The following CCDC85A variants were observed in gnomAD, a reference collection of about 807,000 sequenced individuals.
CCDC85A encodes coiled-coil domain containing 85A.
A neutral mutation model predicts 50.2 loss-of-function variants in CCDC85A; 38 were observed. The observed-to-expected ratio is 0.76, with a 90% CI of 0.58 to 0.99. The LOEUF (loss-of-function observed/expected upper bound fraction) is 0.99. Ranked by LOEUF, CCDC85A falls within the 50% of genes least tolerant of loss-of-function variation. CCDC85A has a pLI of 0.00. For missense variants in CCDC85A, 820 were observed against 742.0 expected, an observed-to-expected ratio of 1.11 and a Z score of -1.22; for synonymous variants, 366 against 301.4, an observed-to-expected ratio of 1.21 and a Z score of -2.22.
intron 1 of CCDC85A, among the ~76,000 whole-genome samples, chr2:56,187,630 T>A (rs921815434): frequency 3.3e-5 from 5 of 152,204 alleles, no homozygotes. Context: ...ATACCATAGA[T>A]GAAGAAACCC....
chr2:56,321,325 C>T (rs1380983641), intron 2 of CCDC85A, among the ~76,000 whole-genome samples: 1 of 152,100 alleles, frequency 6.6e-6, no homozygotes, highest in Non-Finnish European at 1.5e-5. Flanking sequence ...AAAGGGTATT[C>T]AGTTAGGAAA....
intron 2 of CCDC85A, among the ~76,000 whole-genome samples, chr2:56,253,262 G>A (rs1669846879): frequency 6.6e-6 from 1 of 152,162 alleles, no homozygotes; most frequent in African/African-American, 2.4e-5. Flanking sequence ...AGCTGCTTTA[G>A]AGATTTTTGT....
intron 2 of CCDC85A, among the ~76,000 whole-genome samples, chr2:56,244,245 T>C (rs1007452239): frequency 6.6e-6 from 1 of 152,076 alleles, no homozygotes; most frequent in Admixed American, 6.6e-5. Flanking sequence ...TACCTGGTGC[T>C]CTATTCTGCA....
intron 2 of CCDC85A, among the ~76,000 whole-genome samples, chr2:56,285,570 A>T (rs1443648694): frequency 6.8e-6 from 1 of 147,032 alleles, no homozygotes; most frequent in Non-Finnish European, 1.5e-5. Flanking sequence ...ATATAATATA[A>T]TATAATTAAT....
chr2:56,271,897 T>C (rs1010498633), intron 2 of CCDC85A, among the ~76,000 whole-genome samples: 2 of 152,172 alleles, frequency 1.3e-5, no homozygotes, highest in African/African-American at 2.4e-5. Context: ...AGGTAAAGGA[T>C]AGAGGCTAGA....
chr2:56,189,219 A>T (rs1572998037), intron 1 of CCDC85A, among the ~76,000 whole-genome samples: 1 of 151,614 alleles, frequency 6.6e-6, no homozygotes, highest in African/African-American at 2.4e-5. Flanking sequence ...TGAGGGTCTT[A>T]TTCATTTTCC....
chr2:56,364,206 C>G (rs186760623), intron 3 of CCDC85A, among the ~76,000 whole-genome samples: 1 of 152,136 alleles, frequency 6.6e-6, no homozygotes, highest in African/African-American at 2.4e-5. Context: ...GCTACAGAGA[C>G]ACTGGGTGTT....
At chr2:56,185,286 T>C (rs947572182) in intron 1 of CCDC85A, among the ~76,000 whole-genome samples, 2 of 152,150 alleles carry the variant, frequency 1.3e-5, no homozygotes, top group Non-Finnish European at 2.9e-5. Context: ...GATCTTCGCC[T>C]TGGAGGGTCG....
chr2:56,343,497 A>G lies in CCDC85A; in HGVS notation c.1317+542A>G, dbSNP rs115139015. Among the ~76,000 whole-genome samples, 872 of 152,334 alleles carry G rather than the reference A, an allele frequency of 5.7e-3. 4 individuals carry two copies. The highest frequency in any genetic ancestry group is 0.02 in the African/African-American group (835 of 41,576). On this transcript the variant is annotated intron_variant, in intron 3 of 5. Coordinates refer to ENST00000407595, the MANE Select transcript of CCDC85A (RefSeq NM_001080433.2). Reference sequence around the variant, plus strand: ...TCATTTCTTTCCCCTTAATTAAAGTAAAGTGGCACTTTTTCCAGGATGTTT... The same window carrying G: ...TCATTTCTTTCCCCTTAATTAAAGTGAAGTGGCACTTTTTCCAGGATGTTT...
chr2:56,279,033 C>A (rs1196842952), intron 2 of CCDC85A, among the ~76,000 whole-genome samples: 3 of 152,194 alleles, frequency 2.0e-5, no homozygotes, highest in Non-Finnish European at 2.9e-5. Context: ...TGGCCCAAGG[C>A]CAGCTGTGAT....
At chr2:56,328,157 G>T (rs962646307) in intron 2 of CCDC85A, among the ~76,000 whole-genome samples, 2 of 152,094 alleles carry the variant, frequency 1.3e-5, no homozygotes. Flanking sequence ...AAGAGCAAGG[G>T]GTCCCAGATG....
chr2:56,192,349 A>C lies in CCDC85A; in HGVS notation c.277-128A>C. ...AGCTACAAATCTTCAGCTTCCTCCT[A>C]CTCCCTCACCTCCTCCCCTAACCTC... is the stretch of plus-strand genomic sequence containing the variant. On this transcript the variant is annotated intron_variant, in intron 1 of 5. Transcript: ENST00000407595. This position sits in a 1 kb window ranked among gnomAD's most constrained non-coding sequence, Gnocchi z 4.7. 7.5e-7 allele frequency: 1 copy of C among 1,324,908 alleles called. No homozygotes were observed. Among genetic ancestry groups the C allele is most frequent in the South Asian group, 1.5e-5 (1 of 66,122 alleles). 82.1% of individuals were successfully genotyped at this position (1,324,908 alleles called of 1,614,324 possible).
rs779341441 is a variant in CCDC85A at position 56,372,344 on chromosome 2, G to T, written c.1318G>T (p.Ala440Ser). 1.0e-5 allele frequency: 16 copies of T among 1,570,514 alleles called. No individual in the cohort carries two copies. The highest frequency in any genetic ancestry group is 1.4e-5 in the Non-Finnish European group (16 of 1,157,380). Residue 440 changes from alanine to serine, a missense_variant and splice_region_variant, in exon 4 of 6, where the codon GCC becomes TCC. Ala to Ser is a moderately conservative substitution (Grantham distance 99). Coordinates refer to ENST00000407595, the MANE Select transcript of CCDC85A (RefSeq NM_001080433.2). ...LEEENRMLPQ[A>S]SQNRRQPPTR... ...TGTACCATATTGTTCCAAATATAAG[G>T]CCAGCCAGAATAGAAGGCAACCTCC...
intron 2 of CCDC85A, among the ~76,000 whole-genome samples, chr2:56,263,283 T>G (rs4542891): frequency 6.6e-6 from 1 of 152,350 alleles, no homozygotes; most frequent in Non-Finnish European, 1.5e-5. Context: ...CAAAGAGATC[T>G]TCTAGATAGT....
intron 2 of CCDC85A, among the ~76,000 whole-genome samples, chr2:56,325,406 G>A (rs1406775891): frequency 3.9e-5 from 6 of 151,980 alleles, no homozygotes; most frequent in Admixed American, 3.9e-4. Flanking sequence ...GAACAATGAT[G>A]GATTACTTTA....
intron 2 of CCDC85A, among the ~76,000 whole-genome samples, chr2:56,281,246 C>T (rs978300203): frequency 1.1e-4 from 17 of 152,044 alleles, no homozygotes; most frequent in African/African-American, 4.1e-4. Context: ...TGAGATTAAG[C>T]CATGTTGTTG....
intron 2 of CCDC85A, among the ~76,000 whole-genome samples, chr2:56,282,982 A>C (rs538975361): frequency 6.6e-6 from 1 of 152,336 alleles, no homozygotes; most frequent in East Asian, 1.9e-4. Flanking sequence ...AGAAATACAC[A>C]GTTGATTTTT....
chr2:56,305,382 T>A (rs905720111), intron 2 of CCDC85A, among the ~76,000 whole-genome samples: 5 of 152,172 alleles, frequency 3.3e-5, no homozygotes, highest in African/African-American at 1.2e-4. Context: ...ACAGAGAGGT[T>A]AAGTAACCTG....
At chr2:56,223,493 G>A (rs971295508) in intron 2 of CCDC85A, among the ~76,000 whole-genome samples, 1 of 152,068 alleles carries the variant, frequency 6.6e-6, no homozygotes, top group Non-Finnish European at 1.5e-5. Context: ...AAAAACAAAT[G>A]ATCCTCAATA....
Sources: gnomAD v4.1 joint callset for allele counts (sites outside exome capture counted in the v4.1 genomes callset) on GRCh38, gnomAD v4.1.1 for gene constraint, Gnocchi (gnomAD v3.1) non-coding constraint, MANE v1.5 for transcripts, NCBI Gene and HGNC (gene_info 2026-07-23, HGNC 2026-07-21) for gene names.